Variants in HAPSTR1 observed in about 807,000 individuals in gnomAD.
The protein encoded by HAPSTR1 is HUWE1 associated protein modifying stress responses, also known as HUWE1-associated protein modifying stress responses 1.
At chr16:9,120,673 C>CTTTTTTTTTTTT in the HAPSTR1 span, 2 of 100,626 alleles carry the variant, frequency 2.0e-5, no homozygotes, top group African/African-American at 4.4e-5. Flanking sequence ...ATGGTGAAAT[C>CTTTTTTTTTTTT]TTTTTTTTTT....
the HAPSTR1 span, chr16:9,092,248 C>T: frequency 1.9e-6 from 3 of 1,573,028 alleles, no homozygotes; most frequent in Non-Finnish European, 1.7e-6. Context: ...ACTCGGCCAC[C>T]GCCGTGGCCC....
At chr16:9,113,817 A>G in the HAPSTR1 span, among the ~76,000 whole-genome samples, 1 of 152,338 alleles carries the variant, frequency 6.6e-6, no homozygotes, top group East Asian at 1.9e-4. Context: ...AGAACTTTAA[A>G]AAAAAGCCAA....
the HAPSTR1 span, chr16:9,112,348 G>C: frequency 2.6e-5 from 4 of 152,188 alleles, no homozygotes; most frequent in African/African-American, 9.7e-5. Flanking sequence ...TTACCCACTT[G>C]GTTTAAGTTG....
the HAPSTR1 span, chr16:9,109,585 T>G: frequency 6.6e-6 from 1 of 152,334 alleles, no homozygotes; most frequent in South Asian, 2.1e-4. Context: ...ACACATCATT[T>G]CAGACTCAAA....
the HAPSTR1 span, chr16:9,109,976 T>C: frequency 6.6e-6 from 1 of 152,220 alleles, no homozygotes; most frequent in South Asian, 2.1e-4. Flanking sequence ...TACCAAGCAC[T>C]GTTTATTAGA....
the HAPSTR1 span, chr16:9,091,995 T>A: frequency 7.0e-7 from 1 of 1,426,072 alleles, no homozygotes; most frequent in Non-Finnish European, 9.3e-7. Flanking sequence ...GGGCCCCGCC[T>A]GAGGAGGACG....
chr16:9,116,749 C>T, the HAPSTR1 span: 2 of 1,614,148 alleles, frequency 1.2e-6, no homozygotes. Context: ...GGATCGAATG[C>T]TAGTCGAAGG....
chr16:9,098,253 A>C, the HAPSTR1 span, among the ~76,000 whole-genome samples: 3 of 152,142 alleles, frequency 2.0e-5, no homozygotes, highest in Non-Finnish European at 4.4e-5. Context: ...GAATTGCTTG[A>C]ACCTGGGAGG....
the HAPSTR1 span, among the ~76,000 whole-genome samples, chr16:9,094,634 A>G: frequency 6.6e-6 from 1 of 152,094 alleles, no homozygotes; most frequent in Non-Finnish European, 1.5e-5. Context: ...GGCTTGTTCC[A>G]GTTACTATGA....
chr16:9,113,875 AGAG>A, the HAPSTR1 span, among the ~76,000 whole-genome samples: 2 of 152,222 alleles, frequency 1.3e-5, no homozygotes, highest in Non-Finnish European at 2.9e-5. Flanking sequence ...ATTTAAGTGA[AGAG>A]AACACCTGGG....
At chr16:9,094,657 A>G in the HAPSTR1 span, among the ~76,000 whole-genome samples, 1 of 152,196 alleles carries the variant, frequency 6.6e-6, no homozygotes, top group Non-Finnish European at 1.5e-5. Context: ...AGGTTCACCC[A>G]TCGAGTTCGC....
At chr16:9,107,097 C>G in the HAPSTR1 span, 3 of 152,284 alleles carry the variant, frequency 2.0e-5, no homozygotes, top group African/African-American at 4.8e-5. Flanking sequence ...ACCTTCTCTC[C>G]TGACTGCCAG....
chr16:9,101,985 G>A, the HAPSTR1 span, among the ~76,000 whole-genome samples: 1 of 152,206 alleles, frequency 6.6e-6, no homozygotes, highest in South Asian at 2.1e-4. Context: ...GCCAGGCATG[G>A]TGGCGTGCGC....
chr16:9,092,782 C>T, the HAPSTR1 span: 1 of 929,056 alleles, frequency 1.1e-6, no homozygotes, highest in Non-Finnish European at 1.6e-6. Context: ...TCCCGAAACC[C>T]CTGAACAAAA....
chr16:9,095,613 A>G, the HAPSTR1 span, among the ~76,000 whole-genome samples: 1 of 151,872 alleles, frequency 6.6e-6, no homozygotes, highest in Non-Finnish European at 1.5e-5. Context: ...GTTTATCTCA[A>G]TCCTGACCTT....
the HAPSTR1 span, chr16:9,108,638 A>G: frequency 6.6e-6 from 1 of 152,184 alleles, no homozygotes; most frequent in Non-Finnish European, 1.5e-5. Flanking sequence ...AACGATGTGA[A>G]TTTTATATCT....
chr16:9,116,385 A>C, the HAPSTR1 span, among the ~76,000 whole-genome samples: 1 of 152,218 alleles, frequency 6.6e-6, no homozygotes, highest in South Asian at 2.1e-4. Context: ...AGATGGGAGA[A>C]TTTAATGAGA....
the HAPSTR1 span, among the ~76,000 whole-genome samples, chr16:9,098,189 G>A: frequency 2.0e-5 from 3 of 152,138 alleles, no homozygotes; most frequent in Non-Finnish European, 4.4e-5. Flanking sequence ...AAGATTAACT[G>A]GGCATTGTGG....
At chr16:9,111,996 G>T in the HAPSTR1 span, 1 of 151,942 alleles carries the variant, frequency 6.6e-6, no homozygotes, top group Non-Finnish European at 1.5e-5. Flanking sequence ...AAACATTTGG[G>T]GCTGTCAGCA....
Sources: gnomAD v4.1 joint callset for allele counts (sites outside exome capture counted in the v4.1 genomes callset) on GRCh38, gnomAD v4.1.1 for gene constraint, MANE v1.5 for transcripts, NCBI Gene and HGNC (gene_info 2026-07-23, HGNC 2026-07-21) for gene names.